The following PLD5 variants were observed in gnomAD, a reference collection of about 807,000 sequenced individuals.
PLD5 encodes the protein phospholipase D family member 5.
PLD5 carries 36 observed loss-of-function variants against 61.1 expected under a neutral mutation model. The ratio of observed to expected loss-of-function variants is 0.59; its 90% CI spans 0.45 to 0.78. The LOEUF (loss-of-function observed/expected upper bound fraction) is 0.78, where lower values mean the gene tolerates loss of function less well. Ranked by LOEUF, PLD5 falls within the 30% of genes least tolerant of loss-of-function variation. PLD5 has a pLI of 0.00. For synonymous variants in PLD5, 243 were observed against 242.8 expected (o/e 1.00, Z -0.01); for missense variants, 515 against 644.4 (o/e 0.80, Z 2.17).
At chr1:242,104,272 C>T (rs990109217) in intron 8 of PLD5, among the ~76,000 whole-genome samples, 5 of 150,916 alleles carry the variant, frequency 3.3e-5, no homozygotes, top group South Asian at 2.1e-4. Flanking sequence ...TACAGATATG[C>T]ACCACCACAC....
At chr1:242,392,501 C>G (rs1258725934) in intron 1 of PLD5, among the ~76,000 whole-genome samples, 1 of 152,178 alleles carries the variant, frequency 6.6e-6, no homozygotes, top group Non-Finnish European at 1.5e-5. Flanking sequence ...CTCCTGCTGA[C>G]CTGGGTTAGA....
At chr1:242,517,104 T>C (rs546426833) in intron 1 of PLD5, among the ~76,000 whole-genome samples, 1 of 152,354 alleles carries the variant, frequency 6.6e-6, no homozygotes, top group East Asian at 1.9e-4. Context: ...CTGTAGTTTA[T>C]TTTGTATTTT....
chr1:242,109,413 G>T (rs1574311519), intron 7 of PLD5, among the ~76,000 whole-genome samples: 1 of 152,018 alleles, frequency 6.6e-6, no homozygotes, highest in East Asian at 1.9e-4. Context: ...AGGAGGTGGA[G>T]GTTGCAGTGA....
At chr1:242,213,182 C>T (rs1419260091) in intron 5 of PLD5, among the ~76,000 whole-genome samples, 1 of 152,144 alleles carries the variant, frequency 6.6e-6, no homozygotes, top group Non-Finnish European at 1.5e-5. Flanking sequence ...TATGATTCCC[C>T]TAGCAGAACA....
At chr1:242,348,341 G>A in intron 1 of PLD5, 99 bp from the exon 2 acceptor site, 1 of 1,321,682 alleles carries the variant, frequency 7.6e-7, no homozygotes, top group Non-Finnish European at 1.0e-6. Flanking sequence ...AAAAATGGGT[G>A]GGGATACGAT....
chr1:242,198,796 G>C (rs1250664003), intron 5 of PLD5, among the ~76,000 whole-genome samples: 1 of 151,628 alleles, frequency 6.6e-6, no homozygotes, highest in African/African-American at 2.4e-5. Context: ...GTGCAGTGGC[G>C]CAGTCTCAGC....
At chr1:242,158,747 G>A (rs1223079163) in intron 5 of PLD5, among the ~76,000 whole-genome samples, 1 of 152,100 alleles carries the variant, frequency 6.6e-6, no homozygotes, top group Admixed American at 6.5e-5. Context: ...GCAGACTGCA[G>A]CTGTTCCTAT....
intron 1 of PLD5, among the ~76,000 whole-genome samples, chr1:242,501,048 A>C (rs1473110763): frequency 6.6e-6 from 1 of 152,146 alleles, no homozygotes; most frequent in Non-Finnish European, 1.5e-5. Flanking sequence ...AGTCCTCTAC[A>C]TGGAACATTA....
chr1:242,396,543 CCT>C (rs1304711395), intron 1 of PLD5, among the ~76,000 whole-genome samples: 2 of 152,122 alleles, frequency 1.3e-5, no homozygotes, highest in East Asian at 3.9e-4. Flanking sequence ...TTATGAACAA[CCT>C]CTGTGTGCTG....
intron 5 of PLD5, among the ~76,000 whole-genome samples, chr1:242,160,955 C>G (rs550590894): frequency 6.6e-6 from 1 of 151,464 alleles, no homozygotes; most frequent in Non-Finnish European, 1.5e-5. Flanking sequence ...ATACTAGATA[C>G]AATATGATTG....
At chr1:242,249,533 CA>C (rs1672588209) in intron 4 of PLD5, among the ~76,000 whole-genome samples, 1 of 152,162 alleles carries the variant, frequency 6.6e-6, no homozygotes, top group South Asian at 2.1e-4. Flanking sequence ...AAAAAACAAC[CA>C]GGGGGTAGTG....
intron 4 of PLD5, among the ~76,000 whole-genome samples, chr1:242,245,205 G>A (rs1029301883): frequency 6.6e-6 from 1 of 152,156 alleles, no homozygotes; most frequent in African/African-American, 2.4e-5. Flanking sequence ...TAATTTAAAA[G>A]ATAAGCACAA....
chr1:242,186,508 T>A (rs7545565), intron 5 of PLD5, among the ~76,000 whole-genome samples: 3,791 of 152,182 alleles, frequency 0.025, 179 homozygotes, highest in African/African-American at 0.087. Context: ...ATATTTTTTT[T>A]AAAGTTTCTT....
intron 4 of PLD5, among the ~76,000 whole-genome samples, chr1:242,258,608 T>C (rs1356492401): frequency 6.6e-6 from 1 of 152,218 alleles, no homozygotes; most frequent in Non-Finnish European, 1.5e-5. Flanking sequence ...CCTGGTGGCA[T>C]GACAGAGCTC....
chr1:242,491,922 A>G (rs1000296601), intron 1 of PLD5, among the ~76,000 whole-genome samples: 2 of 152,202 alleles, frequency 1.3e-5, no homozygotes, highest in Non-Finnish European at 2.9e-5. Flanking sequence ...GCAATTATCA[A>G]AATTTTATAG....
intron 1 of PLD5, among the ~76,000 whole-genome samples, chr1:242,421,620 T>C (rs1397178769): frequency 1.3e-5 from 2 of 152,228 alleles, no homozygotes; most frequent in Non-Finnish European, 2.9e-5. Flanking sequence ...TGGAATCCTA[T>C]ATCAACGAAA....
rs753933593 is a variant in PLD5, at chr1:242,108,317, T to A, written c.1071-478A>T. ...CCCACACTTCCTTTTCCCGACTGTC[T>A]TACCGTGGTGTCTCCTTACCAAGCC... On this transcript the variant is annotated intron_variant, in intron 7 of 9. Coordinates refer to ENST00000536534, the MANE Select transcript of PLD5 (RefSeq NM_001372062.1). 2.6e-5 allele frequency among the ~76,000 whole-genome samples: 4 copies of A among 152,200 alleles called. 1 individual carries two copies. Among genetic ancestry groups the A allele is most frequent in the Non-Finnish European group, 2.9e-5 (2 of 68,036 alleles).
chr1:242,406,204 C>T (rs910358643), intron 1 of PLD5, among the ~76,000 whole-genome samples: 17 of 152,142 alleles, frequency 1.1e-4, no homozygotes, highest in Admixed American at 9.8e-4. Context: ...TGACTCAATG[C>T]CAGGTGTCAT....
intron 1 of PLD5, among the ~76,000 whole-genome samples, chr1:242,451,827 G>A (rs1399645894): frequency 1.3e-5 from 2 of 151,922 alleles, no homozygotes; most frequent in Non-Finnish European, 2.9e-5. Context: ...GGTATTTAAG[G>A]TCCTTCATGA....
Sources: gnomAD v4.1 joint callset for allele counts (sites outside exome capture counted in the v4.1 genomes callset) on GRCh38, gnomAD v4.1.1 for gene constraint, MANE v1.5 for transcripts, NCBI Gene and HGNC (gene_info 2026-07-23, HGNC 2026-07-21) for gene names.